RGS21: variants seen among roughly 807,000 people sequenced by gnomAD.
The protein encoded by RGS21 is regulator of G protein signaling 21.
RGS21 carries 19 observed loss-of-function variants against 18.7 expected under a neutral mutation model. The observed-to-expected ratio is 1.01, with a 90% CI of 0.71 to 1.49. The LOEUF is 1.49. RGS21 is among the 40% of genes most tolerant of loss of function. RGS21 has a pLI of 0.00. For synonymous variants in RGS21, 56 were observed against 57.8 expected (o/e 0.97, Z 0.14); for missense variants, 194 against 176.8 (o/e 1.10, Z -0.55).
Position 192,352,030 on chromosome 1 carries a change from T to C in RGS21, c.89-17T>C, listed in dbSNP as rs375793652. The C allele has an allele frequency of 1.4e-5, 22 of 1,521,320 alleles. No homozygotes were observed. Among genetic ancestry groups the C allele is most frequent in the Admixed American group, 2.1e-5 (1 of 47,238 alleles). 94.2% of individuals were successfully genotyped at this position (1,521,320 alleles called of 1,614,324 possible). The stretch of plus-strand genomic sequence containing the variant: ...CTGTATGCTATTATACAAAACTTTT[T>C]CTCATATATTTTATAGCTGGTCTAG... On this transcript the variant is annotated splice_polypyrimidine_tract_variant and intron_variant, in intron 3 of 4. Coordinates refer to ENST00000417209, the MANE Select transcript of RGS21 (RefSeq NM_001039152.3).
chr1:192,338,995 T>A (rs1394504408), intron 1 of RGS21, among the ~76,000 whole-genome samples: 1 of 152,092 alleles, frequency 6.6e-6, no homozygotes, highest in Non-Finnish European at 1.5e-5. Flanking sequence ...ATATTTAGCC[T>A]CTTTGAGTCT....
chr1:192,317,764 T>C (rs1658440570), intron 1 of RGS21, among the ~76,000 whole-genome samples: 1 of 152,058 alleles, frequency 6.6e-6, no homozygotes, highest in South Asian at 2.1e-4. Context: ...CTTTCACTAT[T>C]CTTCAAATTT....
chr1:192,324,979 C>T (rs1658547395), intron 1 of RGS21, among the ~76,000 whole-genome samples: 1 of 151,988 alleles, frequency 6.6e-6, no homozygotes, highest in Admixed American at 6.6e-5. Context: ...TAAATCTTGG[C>T]CTCTTCTCTC....
intron 2 of RGS21, among the ~76,000 whole-genome samples, chr1:192,344,114 TCATGA>T (rs1259861342): frequency 6.6e-6 from 1 of 152,100 alleles, no homozygotes; most frequent in Non-Finnish European, 1.5e-5. Context: ...ATAATATTGT[TCATGA>T]ATTCTTAAAT....
intron 3 of RGS21, among the ~76,000 whole-genome samples, chr1:192,351,197 G>A (rs916962065): frequency 6.6e-6 from 1 of 152,056 alleles, no homozygotes; most frequent in African/African-American, 2.4e-5. Flanking sequence ...TTTCCTTAAG[G>A]CAACATCGGA....
Position 192,367,178 on chromosome 1 carries a change from G to T in RGS21, c.*1054G>T, listed in dbSNP as rs1659271783. On this transcript the variant is annotated 3_prime_UTR_variant, in exon 5 of 5. Coordinates refer to ENST00000417209, the MANE Select transcript of RGS21 (RefSeq NM_001039152.3). ...TTAGATTGTTTGAACATTAAAAAATGGAGGAAAAATAGCATGGCTTATTTT... is the reference window on the plus strand; with the variant it reads ...TTAGATTGTTTGAACATTAAAAAATTGAGGAAAAATAGCATGGCTTATTTT... 6.6e-6 allele frequency: 1 copy of T among 151,824 alleles called. No individual in the cohort carries two copies. 9.4% of individuals were successfully genotyped at this position (151,824 alleles called of 1,614,324 possible).
chr1:192,362,698 GA>G (rs1417271908), intron 4 of RGS21, among the ~76,000 whole-genome samples: 3 of 152,206 alleles, frequency 2.0e-5, no homozygotes, highest in Middle Eastern at 3.4e-3. Flanking sequence ...TCCTTGGTAG[GA>G]AAATAGGCAA....
chr1:192,332,940 A>C (rs776947844), intron 1 of RGS21, among the ~76,000 whole-genome samples: 1 of 151,918 alleles, frequency 6.6e-6, no homozygotes, highest in Non-Finnish European at 1.5e-5. Flanking sequence ...TCTCAAAAAA[A>C]TTTTTTTAAA....
chr1:192,355,066 T>C (rs1159215677), intron 4 of RGS21, among the ~76,000 whole-genome samples: 1 of 151,620 alleles, frequency 6.6e-6, no homozygotes, highest in African/African-American at 2.4e-5. Flanking sequence ...TTCTCTCTGG[T>C]TCCCAAATTA....
At chr1:192,361,138 G>A (rs10494670) in intron 4 of RGS21, among the ~76,000 whole-genome samples, 14,575 of 152,052 alleles carry the variant, frequency 0.096, 977 homozygotes, top group Non-Finnish European at 0.15. Context: ...GTAGACATAT[G>A]AAGACTTAGC....
intron 2 of RGS21, among the ~76,000 whole-genome samples, chr1:192,344,932 T>C (rs1348487760): frequency 6.6e-6 from 1 of 152,114 alleles, no homozygotes; most frequent in Non-Finnish European, 1.5e-5. Flanking sequence ...ACTAATTCTA[T>C]TATCCATAGT....
intron 4 of RGS21, among the ~76,000 whole-genome samples, chr1:192,360,692 A>G (rs878934406): frequency 1.3e-5 from 2 of 152,118 alleles, no homozygotes; most frequent in Admixed American, 1.3e-4. Context: ...CAAGATCTAC[A>G]ATGTCCTACA....
At chr1:192,333,831 A>G (rs1658725000) in intron 1 of RGS21, among the ~76,000 whole-genome samples, 1 of 152,138 alleles carries the variant, frequency 6.6e-6, no homozygotes, top group Non-Finnish European at 1.5e-5. Flanking sequence ...CCCAGTGTCA[A>G]CTACTGGTTT....
intron 4 of RGS21, among the ~76,000 whole-genome samples, chr1:192,357,648 C>T (rs1659129684): frequency 6.6e-6 from 1 of 151,190 alleles, no homozygotes; most frequent in African/African-American, 2.4e-5. Flanking sequence ...TACTTTTAAG[C>T]TTCAAATTTC....
chr1:192,365,444 T>C (rs900902449), intron 4 of RGS21, among the ~76,000 whole-genome samples: 18 of 152,082 alleles, frequency 1.2e-4, no homozygotes, highest in African/African-American at 4.1e-4. Context: ...ATTTGATCCA[T>C]TTATCAAATA....
Position 192,341,964 on chromosome 1 carries a change from A to G in RGS21, c.-60-1013A>G, listed in dbSNP as rs562415293. ...AATGGTGCTTGAATTAACAAAAGGG[A>G]TCGTGCTGATTGATGATTTCCCTTC... is the stretch of plus-strand genomic sequence containing the variant. On this transcript the variant is annotated intron_variant, in intron 1 of 4. Coordinates refer to ENST00000417209, the MANE Select transcript of RGS21 (RefSeq NM_001039152.3). 5.5e-4 allele frequency among the ~76,000 whole-genome samples: 83 copies of G among 152,122 alleles called. 1 individual carries two copies. Among genetic ancestry groups the G allele is most frequent in the Middle Eastern group, 6.8e-3 (2 of 294 alleles).
chr1:192,360,269 T>C (rs912716771), intron 4 of RGS21, among the ~76,000 whole-genome samples: 1 of 152,112 alleles, frequency 6.6e-6, no homozygotes. Flanking sequence ...TCTGGCTAAA[T>C]AATTTGTAGT....
intron 3 of RGS21, among the ~76,000 whole-genome samples, chr1:192,348,918 C>G (rs553554443): frequency 3.3e-5 from 5 of 152,042 alleles, no homozygotes; most frequent in Admixed American, 3.3e-4. Context: ...AATTTAGATA[C>G]TATAAACATA....
rs59103337 is a variant in RGS21, at chr1:192,327,291, C to T, written c.-61+10186C>T. ...AGTTCAGGAAAATGACAGTAGCCTC[C>T]GAAAAAGCATCAGAAAAAAGAAGTG... On this transcript the variant is annotated intron_variant, in intron 1 of 4. Transcript: ENST00000417209. Among the ~76,000 whole-genome samples, 259 of 151,440 alleles carry T rather than the reference C, an allele frequency of 1.7e-3. 1 individual carries two copies. The highest frequency in any genetic ancestry group is 6.1e-3 in the African/African-American group (251 of 41,282).
Sources: gnomAD v4.1 joint callset for allele counts (sites outside exome capture counted in the v4.1 genomes callset) on GRCh38, gnomAD v4.1.1 for gene constraint, MANE v1.5 for transcripts, NCBI Gene and HGNC (gene_info 2026-07-23, HGNC 2026-07-21) for gene names.